Variants in AVL9 observed in about 807,000 individuals in gnomAD.
AVL9 encodes late secretory pathway protein AVL9 homolog.
AVL9 carries 49 observed loss-of-function variants against 79.2 expected under a neutral mutation model. That is an observed-to-expected ratio of 0.62 (90% CI 0.49 to 0.79). The LOEUF (loss-of-function observed/expected upper bound fraction) is 0.79, where lower values mean the gene tolerates loss of function less well. Ranked by LOEUF, AVL9 falls within the 30% of genes least tolerant of loss-of-function variation. AVL9 has a pLI of 0.00. For synonymous variants in AVL9, 299 were observed against 280.6 expected, an observed-to-expected ratio of 1.07 and a Z score of -0.65; for missense variants, 682 against 776.8, an observed-to-expected ratio of 0.88 and a Z score of 1.45.
chr7:32,503,369 T>TACACACACACAC lies in AVL9; in HGVS notation c.93+7568_93+7569insCACACACACACA, dbSNP rs1237567459. 9.1e-3 allele frequency among the ~76,000 whole-genome samples: 919 copies of TACACACACACAC among 101,294 alleles called. 9 individuals are homozygous for TACACACACACAC. The highest frequency in any genetic ancestry group is 0.015 in the Middle Eastern group (3 of 196). 66.5% of individuals were successfully genotyped at this position (101,294 alleles called of 152,430 possible). ...AGATATAGATATAGAGAGATATATA[T>TACACACACACAC]ATATACACACACACACACACACACA... On this transcript the variant is annotated intron_variant, in intron 1 of 15. Coordinates refer to ENST00000318709, the MANE Select transcript of AVL9 (RefSeq NM_015060.3).
intron 4 of AVL9, among the ~76,000 whole-genome samples, chr7:32,549,437 C>T (rs911472293): frequency 6.6e-6 from 1 of 151,480 alleles, no homozygotes; most frequent in African/African-American, 2.4e-5. Flanking sequence ...ATGTTGCCTA[C>T]GCTGGTCTCA....
chr7:32,567,302 G>T (rs1270410615), intron 10 of AVL9, among the ~76,000 whole-genome samples: 1 of 152,072 alleles, frequency 6.6e-6, no homozygotes. Context: ...GAGTTTCACC[G>T]TGTTGCTCAG....
chr7:32,507,594 C>G (rs1787464504), intron 1 of AVL9, among the ~76,000 whole-genome samples: 1 of 152,144 alleles, frequency 6.6e-6, no homozygotes. Context: ...TTCATTTCTT[C>G]TCATAACTGT....
At chr7:32,531,865 T>G (rs1465389024) in intron 1 of AVL9, 1 of 157,182 alleles carries the variant, frequency 6.4e-6, no homozygotes, top group Non-Finnish European at 1.4e-5. Flanking sequence ...CCCCAGAGGG[T>G]GTGTTACAGT....
At chr7:32,576,832 A>G (rs1230237668) in intron 13 of AVL9, among the ~76,000 whole-genome samples, 1 of 152,150 alleles carries the variant, frequency 6.6e-6, no homozygotes, top group Non-Finnish European at 1.5e-5. Context: ...ATATATGGTC[A>G]TACCTGGTTT....
chr7:32,562,761 A>G, intron 10 of AVL9: 1 of 147,916 alleles, frequency 6.8e-6, no homozygotes, highest in Non-Finnish European at 8.5e-6. Context: ...TCTCTACAAA[A>G]AAGTAAAAAA....
chr7:32,580,783 T>C lies in AVL9; in HGVS notation c.1743-19T>C. 1 of 1,599,096 alleles carries C rather than the reference T, an allele frequency of 6.3e-7. No individual in the cohort carries two copies. ...TTAAAATTGTACCTAACACTTCTTT[T>C]ATCTTATCTTTTACCCAGTTCTGTT... On this transcript the variant is annotated intron_variant, in intron 14 of 15. Transcript: ENST00000318709.
At chr7:32,568,671 T>A (rs1377719152) in intron 10 of AVL9, among the ~76,000 whole-genome samples, 2 of 152,248 alleles carry the variant, frequency 1.3e-5, no homozygotes, top group Non-Finnish European at 2.9e-5. Flanking sequence ...TGTAGGATAC[T>A]GTAGGATAAA....
At chr7:32,546,512 A>G (rs866030961) in intron 3 of AVL9, among the ~76,000 whole-genome samples, 3 of 152,168 alleles carry the variant, frequency 2.0e-5, no homozygotes, top group Non-Finnish European at 4.4e-5. Flanking sequence ...TTATACCTCA[A>G]TGAAGCTGAG....
intron 11 of AVL9, among the ~76,000 whole-genome samples, chr7:32,571,897 C>T (rs1266517331): frequency 6.6e-6 from 1 of 152,154 alleles, no homozygotes; most frequent in Non-Finnish European, 1.5e-5. Context: ...GGCACAGTGG[C>T]TCACGCCTGT....
At chr7:32,573,807 T>TAA (rs1309564141) in intron 12 of AVL9, among the ~76,000 whole-genome samples, 1 of 152,226 alleles carries the variant, frequency 6.6e-6, no homozygotes, top group Non-Finnish European at 1.5e-5. Flanking sequence ...TGCCACATGT[T>TAA]TTTTAAGATG....
At chr7:32,550,594 C>T (rs1418478392) in intron 4 of AVL9, among the ~76,000 whole-genome samples, 1 of 152,006 alleles carries the variant, frequency 6.6e-6, no homozygotes, top group Admixed American at 6.6e-5. Context: ...AGTATATATA[C>T]ATCATTGGTC....
At chr7:32,570,230 A>C in intron 11 of AVL9, 76 bp downstream of exon 11, 2 of 1,554,598 alleles carry the variant, frequency 1.3e-6, no homozygotes, top group Non-Finnish European at 1.8e-6. Context: ...TTATGAATAC[A>C]TAGTAACAAC....
intron 13 of AVL9, 64 bp from the exon 14 acceptor site, chr7:32,580,155 G>A (rs916106136): frequency 3.1e-6 from 4 of 1,286,772 alleles, no homozygotes; most frequent in Non-Finnish European, 4.5e-6. Flanking sequence ...ATTTTCTTGT[G>A]ATAACTCTTT....
intron 1 of AVL9, among the ~76,000 whole-genome samples, chr7:32,501,614 G>T (rs1003434323): frequency 3.9e-5 from 6 of 152,218 alleles, no homozygotes; most frequent in African/African-American, 1.4e-4. Context: ...CTTTGGCATT[G>T]TGGCTAAGCG....
In AVL9 at chr7:32,576,042, A is replaced by T; in HGVS notation, c.1658A>T (p.Lys553Met). Reference protein sequence around the residue: ...THNYRVWNSNKHPALAEINPN... With the variant: ...THNYRVWNSNMHPALAEINPN... The stretch of plus-strand genomic sequence containing the variant: ...AACTACAGGGTGTGGAACAGCAACA[A>T]GCATCCAGCACTTGCAGAAATAAAT... The change falls in exon 13 of 16, where the codon AAG becomes ATG. Residue 553 changes from lysine (K) to methionine (M), a missense_variant. Coordinates refer to ENST00000318709, the MANE Select transcript of AVL9 (RefSeq NM_015060.3). The T allele has an allele frequency of 1.2e-6, 2 of 1,614,012 alleles. No homozygotes were observed. The highest frequency in any genetic ancestry group is 2.7e-5 in the African/African-American group (2 of 75,068).
chr7:32,562,503 T>C, intron 10 of AVL9: 1 of 452,426 alleles, frequency 2.2e-6, no homozygotes, highest in Non-Finnish European at 2.9e-6. Context: ...GTATTTGAAA[T>C]TTTTTAATAA....
intron 1 of AVL9, among the ~76,000 whole-genome samples, chr7:32,502,301 GAGTA>G (rs1290914842): frequency 1.3e-5 from 2 of 149,526 alleles, no homozygotes; most frequent in Non-Finnish European, 3.0e-5. Context: ...AGTGAAGCAG[GAGTA>G]TCACTTGAGC....
intron 1 of AVL9, among the ~76,000 whole-genome samples, chr7:32,501,574 G>A (rs1435031068): frequency 6.6e-6 from 1 of 152,156 alleles, no homozygotes; most frequent in Non-Finnish European, 1.5e-5. Context: ...CTGCAGCATT[G>A]ACAGAACAAT....
Sources: gnomAD v4.1 joint callset for allele counts (sites outside exome capture counted in the v4.1 genomes callset) on GRCh38, gnomAD v4.1.1 for gene constraint, MANE v1.5 for transcripts, NCBI Gene and HGNC (gene_info 2026-07-23, HGNC 2026-07-21) for gene names.